The following PTPRD variants were observed in gnomAD, a reference collection of about 807,000 sequenced individuals.
The protein encoded by PTPRD is protein tyrosine phosphatase receptor type D.
A neutral mutation model predicts 214.5 loss-of-function variants in PTPRD; 34 were observed. The observed-to-expected ratio is 0.16, with a 90% CI of 0.12 to 0.21. The LOEUF (loss-of-function observed/expected upper bound fraction) is 0.21, where lower values mean the gene tolerates loss of function less well. Ranked by LOEUF, PTPRD falls within the 10% of genes least tolerant of loss-of-function variation. The probability of loss-of-function intolerance (pLI) is 1.00; values close to 1 mark genes in which losing one functional copy is unlikely to be tolerated. For missense variants in PTPRD, 2,545 were observed against 2,398.7 expected (o/e 1.06, Z -1.27); for synonymous variants, 1,128 against 845.7 (o/e 1.33, Z -5.79).
chr9:10,243,729 A>C (rs2091565290), intron 3 of PTPRD, among the ~76,000 whole-genome samples: 1 of 151,962 alleles, frequency 6.6e-6, no homozygotes, highest in African/African-American at 2.4e-5. Context: ...TCTTGCTCCA[A>C]CCTCTAATTA....
Position 10,202,412 on chromosome 9 carries a change from G to A in PTPRD, c.-545+138551C>T, listed in dbSNP as rs1238846062. On this transcript the variant is annotated intron_variant, in intron 3 of 45. Coordinates refer to ENST00000381196, the MANE Select transcript of PTPRD (RefSeq NM_002839.4). ...TTGCATCGAGATAACCTTAGTCTAA[G>A]GTGCTTTTCCCACTTCCAAATGCTG... Among the ~76,000 whole-genome samples, 3 of 151,540 alleles carry A rather than the reference G, an allele frequency of 2.0e-5. No individual in the cohort carries two copies. The South Asian group carries it at 6.2e-4, about 32-fold the overall frequency.
At chr9:9,341,585 T>C (rs2046823883) in intron 9 of PTPRD, among the ~76,000 whole-genome samples, 1 of 152,092 alleles carries the variant, frequency 6.6e-6, no homozygotes, top group Non-Finnish European at 1.5e-5. Flanking sequence ...CCCACTTGAA[T>C]TGACATCCTG....
chr9:8,822,908 C>T lies in PTPRD; in HGVS notation c.-103-88962G>A, dbSNP rs921134265. 2.6e-5 allele frequency among the ~76,000 whole-genome samples: 4 copies of T among 152,114 alleles called. No homozygotes were observed. In the East Asian group the frequency reaches 5.8e-4, roughly 22 times the overall value. ...AGAAAGGATTAACAGATTTCCATTC[C>T]TCCAAACTAAGCCCAGTGTTCACAC... On this transcript the variant is annotated intron_variant, in intron 11 of 45. Transcript: ENST00000381196.
At chr9:9,177,588 T>A (rs1037252668) in intron 10 of PTPRD, among the ~76,000 whole-genome samples, 1 of 152,166 alleles carries the variant, frequency 6.6e-6, no homozygotes, top group Non-Finnish European at 1.5e-5. Context: ...AAAATGATTA[T>A]GTCTAATGCT....
chr9:9,642,327 A>G (rs1324066514), intron 7 of PTPRD, among the ~76,000 whole-genome samples: 1 of 149,036 alleles, frequency 6.7e-6, no homozygotes, highest in East Asian at 2.0e-4. Flanking sequence ...ATGACGAGTT[A>G]GTGGGTGCAG....
intron 7 of PTPRD, among the ~76,000 whole-genome samples, chr9:9,687,408 G>A (rs1396979346): frequency 1.3e-5 from 2 of 151,696 alleles, no homozygotes; most frequent in Non-Finnish European, 2.9e-5. Context: ...CTGTTTCTCA[G>A]GGTTTCCTGA....
At chr9:9,851,888 G>C (rs982603846) in intron 5 of PTPRD, among the ~76,000 whole-genome samples, 1 of 152,106 alleles carries the variant, frequency 6.6e-6, no homozygotes, top group African/African-American at 2.4e-5. Context: ...TGTTAACATT[G>C]ACAACATCAT....
intron 5 of PTPRD, among the ~76,000 whole-genome samples, chr9:9,932,124 G>A (rs1237973306): frequency 1.3e-5 from 2 of 148,316 alleles, no homozygotes; most frequent in African/African-American, 2.6e-5. Flanking sequence ...ACAAAGATGG[G>A]GAAAAAACAG....
intron 12 of PTPRD, among the ~76,000 whole-genome samples, chr9:8,670,095 C>G (rs1047421239): frequency 1.3e-5 from 2 of 151,716 alleles, no homozygotes; most frequent in African/African-American, 4.8e-5. Flanking sequence ...AACAGAGGGA[C>G]AGTTCACTCT....
At chr9:9,519,749 G>C (rs2096921351) in intron 8 of PTPRD, among the ~76,000 whole-genome samples, 1 of 151,932 alleles carries the variant, frequency 6.6e-6, no homozygotes, top group African/African-American at 2.4e-5. Context: ...TCAATTGAAA[G>C]ACTCAATATT....
At chr9:8,707,946 T>C (rs145182576) in intron 12 of PTPRD, among the ~76,000 whole-genome samples, 408 of 152,308 alleles carry the variant, frequency 2.7e-3, no homozygotes, top group Non-Finnish European at 4.4e-3. Flanking sequence ...GCCAGCAGTA[T>C]TGCACTATGC....
intron 9 of PTPRD, among the ~76,000 whole-genome samples, chr9:9,207,642 T>C (rs149510694): frequency 9.6e-4 from 146 of 152,298 alleles, no homozygotes; most frequent in Middle Eastern, 3.4e-3. Flanking sequence ...AGAGGATAAT[T>C]TGGCAACATC....
At chr9:9,817,039 T>C (rs1460467512) in intron 5 of PTPRD, among the ~76,000 whole-genome samples, 4 of 152,082 alleles carry the variant, frequency 2.6e-5, no homozygotes, top group Admixed American at 6.6e-5. Context: ...AATAAGTAAA[T>C]TACCAGCTGT....
At chr9:10,014,121 T>C (rs2096654099) in intron 4 of PTPRD, among the ~76,000 whole-genome samples, 1 of 151,982 alleles carries the variant, frequency 6.6e-6, no homozygotes, top group South Asian at 2.1e-4. Context: ...ACTAGAGAGT[T>C]GTTTGCTTAA....
intron 5 of PTPRD, among the ~76,000 whole-genome samples, chr9:9,780,483 A>G (rs1363501998): frequency 6.6e-6 from 1 of 152,256 alleles, no homozygotes; most frequent in East Asian, 1.9e-4. Flanking sequence ...TATATAGATA[A>G]CAAATATGCA....
rs560971350 is a variant in PTPRD, at chr9:10,449,942, C to T, written c.-599-108925G>A. Among the ~76,000 whole-genome samples the T allele has an allele frequency of 8.4e-4, 128 of 151,750 alleles. 2 individuals are homozygous for T. The highest frequency in any genetic ancestry group is 3.1e-3 in the African/African-American group (127 of 41,080). Reference sequence around the variant, plus strand: ...GATGCTGTTAATCTATAACCTTACCCCCAACCCCGTGCTCTCTGAAACATG... The same window carrying T: ...GATGCTGTTAATCTATAACCTTACCTCCAACCCCGTGCTCTCTGAAACATG... On this transcript the variant is annotated intron_variant, in intron 2 of 45. Transcript: ENST00000381196.
intron 5 of PTPRD, among the ~76,000 whole-genome samples, chr9:9,793,060 T>C (rs554091234): frequency 6.6e-6 from 1 of 152,240 alleles, no homozygotes; most frequent in South Asian, 2.1e-4. Context: ...CTGGATACTG[T>C]GTGTGAATGG....
chr9:8,784,874 T>C (rs2154497577), intron 11 of PTPRD, among the ~76,000 whole-genome samples: 1 of 152,270 alleles, frequency 6.6e-6, no homozygotes, highest in Non-Finnish European at 1.5e-5. Context: ...TCTTTTTATC[T>C]TGCACTGCGA....
At chr9:9,655,913 G>A (rs981588783) in intron 7 of PTPRD, among the ~76,000 whole-genome samples, 2 of 152,176 alleles carry the variant, frequency 1.3e-5, no homozygotes, top group East Asian at 3.9e-4. Context: ...AGGAGACGGA[G>A]GTTGCAGTGA....
Sources: gnomAD v4.1 joint callset for allele counts (sites outside exome capture counted in the v4.1 genomes callset) on GRCh38, gnomAD v4.1.1 for gene constraint, MANE v1.5 for transcripts, NCBI Gene and HGNC (gene_info 2026-07-23, HGNC 2026-07-21) for gene names.